Variants in MECOM observed in about 807,000 individuals in gnomAD.
MECOM encodes MDS1 and EVI1 complex locus, also known as histone-lysine N-methyltransferase MECOM.
Under a neutral mutation model 116.3 loss-of-function variants are expected in MECOM, and 13 were observed. The observed-to-expected ratio is 0.11, with a 90% CI of 0.07 to 0.18. The LOEUF (loss-of-function observed/expected upper bound fraction) is 0.18, where lower values mean the gene tolerates loss of function less well. Ranked by LOEUF, MECOM falls within the 10% of genes least tolerant of loss-of-function variation. The pLI, the probability that MECOM is intolerant of heterozygous loss-of-function variation, is 1.00. For missense variants in MECOM, 1,299 were observed against 1,509.0 expected, an observed-to-expected ratio of 0.86 and a Z score of 2.31; for synonymous variants, 528 against 535.2, an observed-to-expected ratio of 0.99 and a Z score of 0.19.
chr3:169,456,871 C>T (rs1276230463), intron 1 of MECOM, among the ~76,000 whole-genome samples: 1 of 151,896 alleles, frequency 6.6e-6, no homozygotes, highest in Non-Finnish European at 1.5e-5. Context: ...GAAGAACACA[C>T]ACATGTTCTC....
intron 1 of MECOM, among the ~76,000 whole-genome samples, chr3:169,635,675 G>C (rs1375186072): frequency 6.6e-6 from 1 of 152,230 alleles, no homozygotes; most frequent in Non-Finnish European, 1.5e-5. Context: ...CTCACAGGAT[G>C]TGGCTGCATG....
At chr3:169,515,593 G>C (rs890519531) in intron 1 of MECOM, among the ~76,000 whole-genome samples, 3 of 152,120 alleles carry the variant, frequency 2.0e-5, no homozygotes, top group Non-Finnish European at 2.9e-5. Context: ...AAGAGAATGA[G>C]TTACACAGGA....
intron 2 of MECOM, among the ~76,000 whole-genome samples, chr3:169,151,581 A>C (rs987747090): frequency 2.6e-5 from 4 of 152,194 alleles, no homozygotes; most frequent in African/African-American, 7.2e-5. Flanking sequence ...AGATTCTGTT[A>C]AATCCTGTTT....
At position 169,090,160 on chromosome 3, in the gene MECOM, C is replaced by A. The variant is rs140258117; in HGVS notation, c.3241G>T (p.Val1081Phe). Residue 1081 changes from valine to phenylalanine, a missense_variant, in exon 15 of 17, where the codon GTT (valine) becomes TTT (phenylalanine). Val to Phe is a conservative substitution (Grantham distance 50). Transcript: ENST00000651503. Reference protein sequence around the residue: ...QNSDLLDDEEVEDEVLLDEED... With the variant: ...QNSDLLDDEEFEDEVLLDEED... Reference sequence around the variant, plus strand: ...TCATCTAACAACACCTCATCTTCAACTTCTTCATCATCCAGCAAGTCTGAA... The same window carrying A: ...TCATCTAACAACACCTCATCTTCAAATTCTTCATCATCCAGCAAGTCTGAA... The A allele has an allele frequency of 1.9e-6, 3 of 1,613,356 alleles. No homozygotes were observed. Among genetic ancestry groups the A allele is most frequent in the African/African-American group, 2.7e-5 (2 of 74,858 alleles).
chr3:169,175,640 G>A (rs1421279220), intron 2 of MECOM, among the ~76,000 whole-genome samples: 2 of 152,152 alleles, frequency 1.3e-5, no homozygotes, highest in Non-Finnish European at 2.9e-5. Flanking sequence ...AAACGGAAAG[G>A]TCCCAGCAGC....
At chr3:169,231,728 G>A (rs1753423214) in intron 2 of MECOM, among the ~76,000 whole-genome samples, 1 of 151,386 alleles carries the variant, frequency 6.6e-6, no homozygotes, top group South Asian at 2.1e-4. Flanking sequence ...GTGAGTGAGG[G>A]GAATATCAGG....
chr3:169,112,481 C>T (rs562354679), intron 9 of MECOM, among the ~76,000 whole-genome samples: 1 of 152,240 alleles, frequency 6.6e-6, no homozygotes, highest in African/African-American at 2.4e-5. Context: ...CCACCACACA[C>T]AAAACACATC....
At chr3:169,594,931 G>C (rs752665646) in intron 1 of MECOM, among the ~76,000 whole-genome samples, 1 of 151,358 alleles carries the variant, frequency 6.6e-6, no homozygotes, top group Non-Finnish European at 1.5e-5. Flanking sequence ...ATTAATGGGG[G>C]AGGGAGGGCT....
chr3:169,272,281 G>A (rs1395989279), intron 2 of MECOM, among the ~76,000 whole-genome samples: 2 of 152,242 alleles, frequency 1.3e-5, no homozygotes, highest in Non-Finnish European at 2.9e-5. Flanking sequence ...CATGATTCAT[G>A]GGAGTCAAAG....
intron 1 of MECOM, among the ~76,000 whole-genome samples, chr3:169,522,991 C>G (rs545631173): frequency 1.3e-5 from 2 of 152,300 alleles, no homozygotes; most frequent in East Asian, 3.9e-4. Context: ...CCCAACATAA[C>G]AGATGTCAGG....
chr3:169,463,144 T>C (rs1399593372), intron 1 of MECOM, among the ~76,000 whole-genome samples: 1 of 152,142 alleles, frequency 6.6e-6, no homozygotes, highest in African/African-American at 2.4e-5. Context: ...CACATGTAAT[T>C]TTACAATGCA....
At chr3:169,547,343 G>A (rs1342957752) in intron 1 of MECOM, among the ~76,000 whole-genome samples, 1 of 152,164 alleles carries the variant, frequency 6.6e-6, no homozygotes, top group Non-Finnish European at 1.5e-5. Context: ...TACAACCTAT[G>A]GAACTGTGAG....
chr3:169,246,641 G>T (rs1755620837), intron 2 of MECOM, among the ~76,000 whole-genome samples: 1 of 149,094 alleles, frequency 6.7e-6, no homozygotes, highest in African/African-American at 2.5e-5. Flanking sequence ...CTATTCTCCT[G>T]CCTCCGAGTA....
intron 1 of MECOM, among the ~76,000 whole-genome samples, chr3:169,645,553 G>T (rs1274390465): frequency 6.6e-6 from 1 of 152,110 alleles, no homozygotes; most frequent in Non-Finnish European, 1.5e-5. Flanking sequence ...TGGTCAAAAA[G>T]ATATCAGAGC....
chr3:169,619,313 A>G (rs1195552186), intron 1 of MECOM, among the ~76,000 whole-genome samples: 2 of 152,208 alleles, frequency 1.3e-5, no homozygotes, highest in African/African-American at 2.4e-5. Context: ...GGTGCTGCCC[A>G]TAAATCAACC....
intron 1 of MECOM, among the ~76,000 whole-genome samples, chr3:169,524,918 A>G (rs1369598834): frequency 1.3e-5 from 2 of 152,170 alleles, no homozygotes; most frequent in Non-Finnish European, 2.9e-5. Flanking sequence ...AAGCAATGCT[A>G]TAGCCTGAAG....
intron 2 of MECOM, among the ~76,000 whole-genome samples, chr3:169,197,430 TG>T: frequency 6.6e-6 from 1 of 152,124 alleles, no homozygotes; most frequent in East Asian, 1.9e-4. Context: ...CAGTCTACTT[TG>T]GTTGGTGTCT....
Position 169,115,772 on chromosome 3 carries a change from A to G in MECOM, c.2100T>C (p.Phe700=), listed in dbSNP as rs779794657. 5.6e-6 allele frequency: 9 copies of G among 1,614,160 alleles called. No individual in the cohort carries two copies. The highest frequency in any genetic ancestry group is 2.2e-5 in the East Asian group (1 of 44,886). The change falls in exon 8 of 17, where the codon TTT becomes TTC. Residue 700 remains phenylalanine, a synonymous_variant. Transcript: ENST00000651503. ...GGTACATTGATTGAGAGAATGCTGG[A>G]AAAAATGGGAGGGGAAACATGGAAG... ...PYPSMFPLPF[F]PAFSQSMYPF...
intron 1 of MECOM, among the ~76,000 whole-genome samples, chr3:169,656,302 A>G (rs1288538725): frequency 6.6e-6 from 1 of 152,252 alleles, no homozygotes; most frequent in African/African-American, 2.4e-5. Flanking sequence ...GTTTACTAAC[A>G]TAATAAAATC....
Sources: allele counts gnomAD v4.1 joint callset (sites outside exome capture counted in the v4.1 genomes callset), GRCh38; gene constraint gnomAD v4.1.1; transcripts MANE v1.5; gene names NCBI Gene and HGNC (gene_info 2026-07-23, HGNC 2026-07-21).